LIPC: variants seen among roughly 807,000 people sequenced by gnomAD.
LIPC encodes the protein lipase C, hepatic type.
Under a neutral mutation model 50.7 loss-of-function variants are expected in LIPC, and 44 were observed. That is an observed-to-expected ratio of 0.87 (90% CI 0.68 to 1.11). LIPC has a LOEUF of 1.11. Among genes scored for constraint, LIPC ranks in the 50% most tolerant of loss-of-function variants. LIPC has a pLI of 0.00. For synonymous variants in LIPC, 271 were observed against 256.4 expected (o/e 1.06, Z -0.54); for missense variants, 697 against 648.2 (o/e 1.08, Z -0.82).
intron 1 of LIPC, among the ~76,000 whole-genome samples, chr15:58,500,638 T>C (rs1438592164): frequency 6.6e-6 from 1 of 152,202 alleles, no homozygotes; most frequent in Non-Finnish European, 1.5e-5. Context: ...GCTACTAAGC[T>C]ACCACTCCCT....
At chr15:58,491,391 T>A (rs1891582363) in intron 1 of LIPC, among the ~76,000 whole-genome samples, 1 of 152,234 alleles carries the variant, frequency 6.6e-6, no homozygotes, top group African/African-American at 2.4e-5. Flanking sequence ...AGGCTCAGTT[T>A]CCTGGCCTGT....
intron 1 of LIPC, among the ~76,000 whole-genome samples, chr15:58,449,966 C>T (rs1178757347): frequency 6.6e-6 from 1 of 152,218 alleles, no homozygotes; most frequent in Non-Finnish European, 1.5e-5. Context: ...TCCTCCGAGG[C>T]TCTGGAACAA....
At chr15:58,444,818 C>G (rs1240528398) in intron 1 of LIPC, among the ~76,000 whole-genome samples, 2 of 152,244 alleles carry the variant, frequency 1.3e-5, no homozygotes, top group African/African-American at 2.4e-5. Context: ...GCCCATTACA[C>G]CCAGCAAACA....
At chr15:58,476,595 G>T (rs1255073861) in intron 1 of LIPC, among the ~76,000 whole-genome samples, 1 of 152,250 alleles carries the variant, frequency 6.6e-6, no homozygotes, top group Non-Finnish European at 1.5e-5. Context: ...CAGCCCACCA[G>T]CAGTGTGGAC....
intron 1 of LIPC, among the ~76,000 whole-genome samples, chr15:58,507,527 C>A (rs1180786380): frequency 1.3e-5 from 2 of 152,242 alleles, no homozygotes; most frequent in African/African-American, 4.8e-5. Context: ...ACACACAAAT[C>A]AGTACTTGCC....
At chr15:58,552,714 T>C (rs548093856) in intron 6 of LIPC, among the ~76,000 whole-genome samples, 1 of 152,338 alleles carries the variant, frequency 6.6e-6, no homozygotes, top group East Asian at 1.9e-4. Context: ...GCTACTTCTT[T>C]GGAAGGTTTC....
intron 1 of LIPC, among the ~76,000 whole-genome samples, chr15:58,495,664 C>T (rs1891740150): frequency 6.6e-6 from 1 of 152,170 alleles, no homozygotes; most frequent in East Asian, 1.9e-4. Flanking sequence ...TCAAAGTCAC[C>T]CAGCCCACAT....
chr15:58,559,054 G>T (rs1406153035), intron 6 of LIPC, among the ~76,000 whole-genome samples: 1 of 152,152 alleles, frequency 6.6e-6, no homozygotes, highest in Non-Finnish European at 1.5e-5. Flanking sequence ...ACTGGAGCTG[G>T]CAGTACCCTC....
intron 1 of LIPC, among the ~76,000 whole-genome samples, chr15:58,513,442 A>G (rs1309047583): frequency 6.6e-6 from 1 of 152,184 alleles, no homozygotes; most frequent in African/African-American, 2.4e-5. Flanking sequence ...ATTCTCAACA[A>G]TCTTCAAAGC....
intron 1 of LIPC, among the ~76,000 whole-genome samples, chr15:58,533,546 T>G (rs1893018042): frequency 6.6e-6 from 1 of 152,184 alleles, no homozygotes; most frequent in African/African-American, 2.4e-5. Context: ...ATAGGGCAAA[T>G]AAAACCTTGA....
intron 8 of LIPC, chr15:58,564,058 CA>C (rs1235612898): frequency 2.5e-6 from 1 of 400,510 alleles, no homozygotes; most frequent in East Asian, 5.5e-5. Context: ...TCAGTGCTGC[CA>C]GTCCAAGGTG....
At chr15:58,436,282 T>C (rs1893292652) in intron 1 of LIPC, 1 of 163,852 alleles carries the variant, frequency 6.1e-6, no homozygotes, top group African/African-American at 2.4e-5. Context: ...AGCGTAGTGG[T>C]TGTACAAACA....
intron 1 of LIPC, among the ~76,000 whole-genome samples, chr15:58,442,806 A>G (rs261338): frequency 0.83 from 126,389 of 152,194 alleles, 52,564 homozygotes; most frequent in East Asian, 0.93. Flanking sequence ...AAGCCTCCAA[A>G]CCTCCCAAGG....
At chr15:58,565,793 C>A in intron 8 of LIPC, 1 of 985,948 alleles carries the variant, frequency 1.0e-6, no homozygotes, top group Non-Finnish European at 1.2e-6. Context: ...ATGCATCAAA[C>A]CCATCCTTAG....
At chr15:58,548,824 T>C (rs976023138) in intron 6 of LIPC, among the ~76,000 whole-genome samples, 2 of 152,192 alleles carry the variant, frequency 1.3e-5, no homozygotes, top group Non-Finnish European at 2.9e-5. Flanking sequence ...TTGGCCTCTC[T>C]GTCCATTTTC....
intron 1 of LIPC, among the ~76,000 whole-genome samples, chr15:58,525,575 G>A (rs543053514): frequency 6.6e-6 from 1 of 152,312 alleles, no homozygotes; most frequent in African/African-American, 2.4e-5. Context: ...AGAGGCAGGG[G>A]TGCAAGGCCT....
intron 2 of LIPC, among the ~76,000 whole-genome samples, chr15:58,538,759 C>G (rs1341754315): frequency 1.3e-5 from 2 of 152,128 alleles, no homozygotes; most frequent in Non-Finnish European, 1.5e-5. Context: ...GAATGTGGCT[C>G]AAAGAGGCCA....
At chr15:58,467,800 T>C (rs1306891930) in intron 1 of LIPC, among the ~76,000 whole-genome samples, 1 of 152,152 alleles carries the variant, frequency 6.6e-6, no homozygotes, top group African/African-American at 2.4e-5. Context: ...TTACATCAAA[T>C]CCTGTCCGCC....
At position 58,569,003 on chromosome 15, in the gene LIPC, T is replaced by C; in HGVS notation, c.*176T>C. 4 of 494,430 alleles carry C rather than the reference T, an allele frequency of 8.1e-6. No homozygotes were observed. The highest frequency in any genetic ancestry group is 3.1e-5 in the East Asian group (1 of 31,916). 30.6% of individuals were successfully genotyped at this position (494,430 alleles called of 1,614,324 possible). A position where few individuals can be genotyped will look rare whatever the true frequency, so the allele number is the denominator to read the frequency against. On this transcript the variant is annotated 3_prime_UTR_variant, in exon 9 of 9. Transcript: ENST00000299022. ...CTGAGCTTTTAAAAACGATATGATA[T>C]AACTATTTTCCAGTATCAGTACAAC...
Sources: gnomAD v4.1 joint callset for allele counts (sites outside exome capture counted in the v4.1 genomes callset) on GRCh38, gnomAD v4.1.1 for gene constraint, MANE v1.5 for transcripts, NCBI Gene and HGNC (gene_info 2026-07-23, HGNC 2026-07-21) for gene names.